EIPR1: variants seen among roughly 807,000 people sequenced by gnomAD.
The protein encoded by EIPR1 is EARP and GARP complex-interacting protein 1.
Under a neutral mutation model 48.1 loss-of-function variants are expected in EIPR1, and 25 were observed. The ratio of observed to expected loss-of-function variants is 0.52; its 90% confidence interval spans 0.38 to 0.73. The LOEUF is 0.73. Among genes scored for constraint, EIPR1 ranks in the 30% least tolerant of loss-of-function variants. The pLI is 0.00. For synonymous variants in EIPR1, 204 were observed against 201.9 expected, an observed-to-expected ratio of 1.01 and a Z score of -0.09; for missense variants, 415 against 506.2, an observed-to-expected ratio of 0.82 and a Z score of 1.73.
intron 4 of EIPR1, among the ~76,000 whole-genome samples, chr2:3,221,672 CG>C (rs1665893717): frequency 2.3e-4 from 4 of 17,726 alleles, no homozygotes; most frequent in Admixed American, 1.1e-3. Flanking sequence ...ACACAATGGC[CG>C]AGGTACACTC....
Position 3,190,678 on chromosome 2 carries a change from G to A in EIPR1, c.990-1170C>T, listed in dbSNP as rs116767785. Among the ~76,000 whole-genome samples, 97 of 152,314 alleles carry A rather than the reference G, an allele frequency of 6.4e-4. 1 individual carries two copies. Among genetic ancestry groups the A allele is most frequent in the African/African-American group, 2.2e-3 (93 of 41,574 alleles). On this transcript the variant is annotated intron_variant, in intron 8 of 8. Transcript: ENST00000382125. ...ACAGGGACAGACATGGTGAGGAAGT[G>A]CAGACTCCCTGGGCCACTGGCAGAG... is the stretch of plus-strand genomic sequence containing the variant.
chr2:3,325,364 T>C (rs1269469507), intron 3 of EIPR1, among the ~76,000 whole-genome samples: 1 of 151,922 alleles, frequency 6.6e-6, no homozygotes, highest in Non-Finnish European at 1.5e-5. Context: ...GGAGATGAGG[T>C]GAAAAGGAGG....
In EIPR1 at chr2:3,212,099, TAGG is replaced by T. The variant is rs568991936; in HGVS notation, c.516+2047_516+2049del. The stretch of plus-strand genomic sequence containing the variant: ...TGGGTGTGAAGATGGCTTGAATCGA[TAGG>T]AGGTTTCTGTATTAAATACCACAGT... On this transcript the variant is annotated intron_variant, in intron 5 of 8. Coordinates refer to ENST00000382125, the MANE Select transcript of EIPR1 (RefSeq NM_003310.5). 6.7e-4 allele frequency among the ~76,000 whole-genome samples: 102 copies of T among 152,320 alleles called. No homozygotes were observed. The Middle Eastern group carries it at 0.01, about 15-fold the overall frequency.
In EIPR1 at chr2:3,250,023, G is replaced by C. The variant is rs530658310; in HGVS notation, c.416+7276C>G. Among the ~76,000 whole-genome samples, 3 of 152,356 alleles carry C rather than the reference G, an allele frequency of 2.0e-5. No individual in the cohort carries two copies. The South Asian group carries it at 6.2e-4, about 32-fold the overall frequency. ...CTGCCACAGGGGTGGAGCCACTGCA[G>C]AGAGACTGCACTAGGGTAATGCTTA... On this transcript the variant is annotated intron_variant, in intron 4 of 8. Transcript: ENST00000382125.
chr2:3,218,643 C>A (rs991997815), intron 4 of EIPR1, among the ~76,000 whole-genome samples: 15 of 149,766 alleles, frequency 1.0e-4, no homozygotes, highest in South Asian at 2.1e-4. Context: ...CAGGTGCACA[C>A]CCACCATGGC....
chr2:3,337,148 G>A (rs941973740), intron 3 of EIPR1, among the ~76,000 whole-genome samples: 30 of 151,104 alleles, frequency 2.0e-4, no homozygotes, highest in African/African-American at 6.3e-4. Context: ...GGGAAGGGAA[G>A]GGAAAAGGGA....
rs1392161882 is a variant in EIPR1, at chr2:3,199,066, C to CCCG, written c.517-2050_517-2049insCGG. On this transcript the variant is annotated intron_variant, in intron 5 of 8. Coordinates refer to ENST00000382125, the MANE Select transcript of EIPR1 (RefSeq NM_003310.5). ...CAGAGTGGCCATTTTAGAGGGCCCC[C>CCCG]CCCCCGCCCCGGGAATGCATTCTTT... Among the ~76,000 whole-genome samples the CCCG allele has an allele frequency of 9.1e-5, 5 of 55,142 alleles. 1 individual carries two copies. The highest frequency in any genetic ancestry group is 2.8e-4 in the Non-Finnish European group (5 of 18,032). 36.2% of individuals were successfully genotyped at this position (55,142 alleles called of 152,430 possible).
At chr2:3,340,681 G>A (rs1051013591) in intron 2 of EIPR1, among the ~76,000 whole-genome samples, 2 of 152,098 alleles carry the variant, frequency 1.3e-5, no homozygotes, top group Non-Finnish European at 2.9e-5. Flanking sequence ...GTCCCATGAC[G>A]CCACATCTCT....
chr2:3,228,028 C>T (rs918418728), intron 4 of EIPR1, among the ~76,000 whole-genome samples: 1 of 152,258 alleles, frequency 6.6e-6, no homozygotes, highest in Non-Finnish European at 1.5e-5. Flanking sequence ...GGAGCCCCCA[C>T]ACAGAGTGCC....
chr2:3,297,827 TGTTC>T (rs2103288684), intron 3 of EIPR1, among the ~76,000 whole-genome samples: 1 of 152,364 alleles, frequency 6.6e-6, no homozygotes, highest in South Asian at 2.1e-4. Flanking sequence ...CTTCTTTTTT[TGTTC>T]GTTTGTTTGA....
At chr2:3,292,858 G>GGA (rs112295613) in intron 3 of EIPR1, among the ~76,000 whole-genome samples, 66 of 120,726 alleles carry the variant, frequency 5.5e-4, no homozygotes, top group African/African-American at 1.8e-3. Flanking sequence ...AAAATGTTTT[G>GGA]AAAAAAAAAA....
chr2:3,279,363 G>C (rs1277367845), intron 3 of EIPR1, among the ~76,000 whole-genome samples: 1 of 152,146 alleles, frequency 6.6e-6, no homozygotes, highest in African/African-American at 2.4e-5. Context: ...AGTAAATACT[G>C]GGAAGAGGTC....
intron 2 of EIPR1, among the ~76,000 whole-genome samples, chr2:3,343,505 CA>C (rs35085081): frequency 0.39 from 58,539 of 152,022 alleles, 12,131 homozygotes; most frequent in East Asian, 0.75. Context: ...TTAAACTTTT[CA>C]AGCCACATTG....
chr2:3,308,995 T>A (rs1380190142), intron 3 of EIPR1, among the ~76,000 whole-genome samples: 1 of 151,992 alleles, frequency 6.6e-6, no homozygotes, highest in Non-Finnish European at 1.5e-5. Context: ...ATAAAGAAAA[T>A]TTTTCAAACG....
chr2:3,352,254 A>G (rs529727089), intron 2 of EIPR1, among the ~76,000 whole-genome samples: 34 of 146,052 alleles, frequency 2.3e-4, no homozygotes, highest in Non-Finnish European at 4.3e-4. Context: ...GACACCTTTG[A>G]TCAGCATATC....
intron 1 of EIPR1, among the ~76,000 whole-genome samples, chr2:3,362,005 T>C (rs1572485713): frequency 1.3e-5 from 2 of 152,260 alleles, no homozygotes; most frequent in South Asian, 4.1e-4. Flanking sequence ...GCATGCTCCC[T>C]TTTCTGTAAG....
At position 3,318,094 on chromosome 2, in the gene EIPR1, G is replaced by A. The variant is rs575552126; in HGVS notation, c.259+19923C>T. 5.9e-5 allele frequency among the ~76,000 whole-genome samples: 9 copies of A among 152,340 alleles called. No individual in the cohort carries two copies. In the South Asian group the frequency reaches 1.2e-3, roughly 21 times the overall value. Reference sequence around the variant, plus strand: ...CAGGCGCACAGCCGTGGCTCCTAACGGCTCCTCTCTGCACCTCCAAGTGGA... The same window carrying A: ...CAGGCGCACAGCCGTGGCTCCTAACAGCTCCTCTCTGCACCTCCAAGTGGA... On this transcript the variant is annotated intron_variant, in intron 3 of 8. Coordinates refer to ENST00000382125, the MANE Select transcript of EIPR1 (RefSeq NM_003310.5).
intron 1 of EIPR1, among the ~76,000 whole-genome samples, chr2:3,370,060 A>G (rs1671075868): frequency 6.6e-6 from 1 of 152,170 alleles, no homozygotes; most frequent in Non-Finnish European, 1.5e-5. Context: ...GAACGATCAT[A>G]CAGCAACATT....
At chr2:3,364,218 A>G (rs1558321461) in intron 1 of EIPR1, among the ~76,000 whole-genome samples, 1 of 152,236 alleles carries the variant, frequency 6.6e-6, no homozygotes, top group African/African-American at 2.4e-5. Flanking sequence ...ACCCGTGGGT[A>G]TACTGCAGCA....
Sources: gnomAD v4.1 joint callset for allele counts (sites outside exome capture counted in the v4.1 genomes callset) on GRCh38, gnomAD v4.1.1 for gene constraint, MANE v1.5 for transcripts, NCBI Gene and HGNC (gene_info 2026-07-23, HGNC 2026-07-21) for gene names.